Variants in NYNRIN observed in about 807,000 individuals in gnomAD.
The protein encoded by NYNRIN is NYN domain and retroviral integrase containing.
A neutral mutation model predicts 146.6 loss-of-function variants in NYNRIN; 86 were observed. That is an observed-to-expected ratio of 0.59 (90% CI 0.49 to 0.70). The LOEUF (loss-of-function observed/expected upper bound fraction) is 0.70. Ranked by LOEUF, NYNRIN falls within the 30% of genes least tolerant of loss-of-function variation. The pLI is 0.00. For missense variants in NYNRIN, 2,191 were observed against 2,377.7 expected (o/e 0.92, Z 1.63); for synonymous variants, 1,027 against 1,001.3 (o/e 1.03, Z -0.48).
chr14:24,406,526 T>C (rs755848317), intron 2 of NYNRIN, among the ~76,000 whole-genome samples: 3 of 152,146 alleles, frequency 2.0e-5, no homozygotes, highest in Non-Finnish European at 4.4e-5. Context: ...TTTGAACTGA[T>C]TGAAAAGGGG....
rs1026896842 is a variant in NYNRIN, at chr14:24,408,378, C to T, written c.708C>T (p.Ser236=). Residue 236 remains serine (S), a synonymous_variant, in exon 3 of 9, where the codon TCC becomes TCT. Coordinates refer to ENST00000382554, the MANE Select transcript of NYNRIN (RefSeq NM_025081.3). Reference sequence around the variant, plus strand: ...AGAAGGAAGCCCCAGCCATGGTGTCCGTGGGAGAGAGTCCTGGACCCTTTG... The same window carrying T: ...AGAAGGAAGCCCCAGCCATGGTGTCTGTGGGAGAGAGTCCTGGACCCTTTG... ...QQQKEAPAMV[S]VGESPGPFVD... is the part of the protein sequence containing the mutation. 22 of 1,613,762 alleles carry T rather than the reference C, an allele frequency of 1.4e-5. No homozygotes were observed. Among genetic ancestry groups the T allele is most frequent in the East Asian group, 8.9e-5 (4 of 44,890 alleles).
rs1242576497 is a variant in NYNRIN, at chr14:24,418,273, G to T, written c.*827G>T. 1.5e-5 allele frequency: 7 copies of T among 456,456 alleles called. No individual in the cohort carries two copies. The highest frequency in any genetic ancestry group is 2.6e-5 in the Non-Finnish European group (6 of 226,894). The allele number at this position is 456,456 out of a possible 1,614,324, so 28.3% of individuals were successfully genotyped here. On this transcript the variant is annotated 3_prime_UTR_variant, in exon 9 of 9. Coordinates refer to ENST00000382554, the MANE Select transcript of NYNRIN (RefSeq NM_025081.3). ...CATCTCTATCTGAAGAGCTGCTTCT[G>T]TTAGACCCAGGGGCCCCGGCCTCTG...
chr14:24,402,407 C>T (rs1228105500), intron 2 of NYNRIN, among the ~76,000 whole-genome samples: 2 of 151,992 alleles, frequency 1.3e-5, no homozygotes, highest in African/African-American at 4.8e-5. Flanking sequence ...GTGACCACTG[C>T]GGGAGGTGAT....
chr14:24,401,127 C>T (rs931260670), intron 2 of NYNRIN, among the ~76,000 whole-genome samples: 7 of 152,184 alleles, frequency 4.6e-5, no homozygotes, highest in Non-Finnish European at 5.9e-5. Context: ...CCACCCCCTC[C>T]TTGCTCAAAT....
chr14:24,412,077 T>C (rs909898417), intron 6 of NYNRIN, among the ~76,000 whole-genome samples: 1 of 152,162 alleles, frequency 6.6e-6, no homozygotes, highest in Admixed American at 6.5e-5. Context: ...ACAGAGATCT[T>C]GGTTTCACAT....
At position 24,399,315 on chromosome 14, in the gene NYNRIN, GGTGCAGCGGCAGCGGCTGCAA is replaced by G; in HGVS notation, c.78_98del (p.Gln27_Arg33del). The G allele has an allele frequency of 6.2e-7, 1 of 1,613,948 alleles. No homozygotes were observed. The highest frequency in any genetic ancestry group is 8.5e-7 in the Non-Finnish European group (1 of 1,179,860). On this transcript the variant is annotated inframe_deletion, in exon 2 of 9. Coordinates refer to ENST00000382554, the MANE Select transcript of NYNRIN (RefSeq NM_025081.3). ...TGGTGCAGACAAAATCGAAGCCTCG[GGTGCAGCGGCAGCGGCTGCAA>G]GTGCAGCGCATCTTTAGGGTCAAGC... is the stretch of plus-strand genomic sequence containing the variant.
In NYNRIN at chr14:24,415,519, G is replaced by T; in HGVS notation, c.3770G>T (p.Arg1257Leu). 1 of 1,613,852 alleles carries T rather than the reference G, an allele frequency of 6.2e-7. No homozygotes were observed. Among genetic ancestry groups the T allele is most frequent in the Non-Finnish European group, 8.5e-7 (1 of 1,179,836 alleles). Residue 1257 changes from arginine to leucine, a missense_variant, in exon 9 of 9, where the codon CGA (arginine) becomes CTA (leucine). By Grantham distance (102) the Arg-to-Leu change is moderately radical (BLOSUM62 -2). Around this residue, in one of 3 missense-constraint regions of NYNRIN, gnomAD observed 1,291 missense variants for 1,417.0 expected, o/e 0.91. Coordinates refer to ENST00000382554, the MANE Select transcript of NYNRIN (RefSeq NM_025081.3). ...GRRVSKAWLI[R>L]WSLLVQDKGK... ...AGGGTTTCCAAAGCTTGGTTGATCC[G>T]ATGGTCCCTCTTGGTTCAGGACAAA...
intron 2 of NYNRIN, among the ~76,000 whole-genome samples, chr14:24,405,306 C>T (rs17795046): frequency 0.14 from 21,894 of 152,116 alleles, 1,654 homozygotes; most frequent in Non-Finnish European, 0.17. Flanking sequence ...AGTAATAAAG[C>T]ACCTTGACAA....
In NYNRIN at chr14:24,408,946, C is replaced by G; in HGVS notation, c.1152C>G (p.Ser384=). The G allele has an allele frequency of 6.2e-7, 1 of 1,613,968 alleles. No individual in the cohort carries two copies. The change falls in exon 4 of 9, where the codon TCC becomes TCG. Residue 384 remains serine, a synonymous_variant. Coordinates refer to ENST00000382554, the MANE Select transcript of NYNRIN (RefSeq NM_025081.3). ...LHSLHLAWLL[S]QACFNFPFWQ... ...CTCTACATCTGGCCTGGCTCCTGTC[C>G]CAGGCGTGCTTCAATTTCCCCTTCT... is the stretch of plus-strand genomic sequence containing the variant.
chr14:24,403,180 T>C (rs1439937913), intron 2 of NYNRIN, among the ~76,000 whole-genome samples: 3 of 152,228 alleles, frequency 2.0e-5, no homozygotes, highest in African/African-American at 7.2e-5. Context: ...AAGTGTACTA[T>C]GATTTTGTTT....
At chr14:24,412,975 G>A (rs1271301167) in intron 6 of NYNRIN, 22 bp from the exon 7 acceptor site, 6 of 1,538,086 alleles carry the variant, frequency 3.9e-6, no homozygotes, top group South Asian at 1.2e-5. Context: ...TGGGTCATTA[G>A]TGACTTCCCC....
At chr14:24,410,450 G>A (rs750229274) in intron 4 of NYNRIN, among the ~76,000 whole-genome samples, 1 of 152,224 alleles carries the variant, frequency 6.6e-6, no homozygotes, top group African/African-American at 2.4e-5. Flanking sequence ...GCTGAAGCAG[G>A]CTCAGAGGTG....
chr14:24,408,114 G>A lies in NYNRIN; in HGVS notation c.444G>A (p.Leu148=). Residue 148 remains leucine (L), a synonymous_variant, in exon 3 of 9, where the codon CTG becomes CTA. Coordinates refer to ENST00000382554, the MANE Select transcript of NYNRIN (RefSeq NM_025081.3). ...VGRLRWGPAP[L]LTPRGIWEAE... The stretch of plus-strand genomic sequence containing the variant: ...GACTGCGCTGGGGCCCTGCCCCTCT[G>A]CTGACCCCCCGGGGGATCTGGGAGG... The A allele has an allele frequency of 1.2e-6, 2 of 1,611,568 alleles. No homozygotes were observed. Among genetic ancestry groups the A allele is most frequent in the Non-Finnish European group, 1.7e-6 (2 of 1,179,470 alleles).
At position 24,399,417 on chromosome 14, in the gene NYNRIN, G is replaced by C. The variant is rs1010804661; in HGVS notation, c.171G>C (p.Gly57=). ...CCTACTTCTGGCTACAGCTCGAGGG[G>C]CCCCGAGAGAACATGGGCAAAGCCA... ...DTPYFWLQLE[G]PRENMGKAKE... The change falls in exon 2 of 9, where the codon GGG becomes GGC. Residue 57 remains glycine (G), a synonymous_variant. Transcript: ENST00000382554. 1.9e-6 allele frequency: 3 copies of C among 1,613,004 alleles called. No individual in the cohort carries two copies. Among genetic ancestry groups the C allele is most frequent in the South Asian group, 1.1e-5 (1 of 90,934 alleles).
chr14:24,412,950 G>C (rs1405124874), intron 6 of NYNRIN, 47 bp from the exon 7 acceptor site: 2 of 1,261,094 alleles, frequency 1.6e-6, no homozygotes, highest in South Asian at 2.6e-5. Context: ...CCCAGGAAGT[G>C]AGGGGGCTAG....
In NYNRIN at chr14:24,411,509, T is replaced by G; in HGVS notation, c.2642+59T>G. On this transcript the variant is annotated intron_variant, in intron 6 of 8. Transcript: ENST00000382554. This position sits in a 1 kb window ranked among gnomAD's most constrained non-coding sequence, Gnocchi z 4.3. ...CAGGGAGTTGGGCCTGGCTGGTGTGTCAGGTGGAGTCCGGCCTGTCTTCTC... is the reference window on the plus strand; with the variant it reads ...CAGGGAGTTGGGCCTGGCTGGTGTGGCAGGTGGAGTCCGGCCTGTCTTCTC... The G allele has an allele frequency of 1.4e-6, 2 of 1,415,306 alleles. No homozygotes were observed. Among genetic ancestry groups the G allele is most frequent in the Non-Finnish European group, 2.0e-6 (2 of 1,001,562 alleles). The allele number at this position is 1,415,306 out of a possible 1,614,324, so 87.7% of individuals were successfully genotyped here.
chr14:24,409,897 T>A lies in NYNRIN; in HGVS notation c.2103T>A (p.Ser701Arg). 6.2e-7 allele frequency: 1 copy of A among 1,613,566 alleles called. No homozygotes were observed. The highest frequency in any genetic ancestry group is 8.5e-7 in the Non-Finnish European group (1 of 1,179,720). Residue 701 changes from serine to arginine, a missense_variant, in exon 4 of 9, where the codon AGT (serine) becomes AGA (arginine). By Grantham distance (110) the Ser-to-Arg change is moderately radical. Coordinates refer to ENST00000382554, the MANE Select transcript of NYNRIN (RefSeq NM_025081.3). ...GPTLDVARLL[S>R]EVQPTSRASV... is the part of the protein sequence containing the mutation. ...CCTTGGATGTAGCCAGACTTCTGAG[T>A]GAGGTCCAGCCTACATCAAGGGCTA...
In NYNRIN at chr14:24,409,338, T is replaced by C. The variant is rs2042896190; in HGVS notation, c.1544T>C (p.Val515Ala). The C allele has an allele frequency of 1.2e-5, 20 of 1,614,026 alleles. No individual in the cohort carries two copies. Among genetic ancestry groups the C allele is most frequent in the Non-Finnish European group, 1.7e-5 (20 of 1,179,902 alleles). ...FKGLEEGPAP[V>A]LPTGQGKPVA... ...GGACTGGAAGAGGGACCCGCTCCAGTGCTGCCAACAGGGCAAGGGAAGCCC... is the reference window on the plus strand; with the variant it reads ...GGACTGGAAGAGGGACCCGCTCCAGCGCTGCCAACAGGGCAAGGGAAGCCC... The change falls in exon 4 of 9, where the codon GTG (valine) becomes GCG (alanine). Residue 515 changes from valine (V) to alanine (A), a missense_variant. Physicochemically the swap from Val to Ala is moderately conservative, Grantham distance 64 (BLOSUM62 0). Transcript: ENST00000382554.
At chr14:24,412,482 G>A (rs1054890768) in intron 6 of NYNRIN, 1 of 156,792 alleles carries the variant, frequency 6.4e-6, no homozygotes, top group Non-Finnish European at 1.4e-5. Context: ...ATGTCTGTAT[G>A]TCTTGGCATG....
Sources: gnomAD v4.1 joint callset for allele counts (sites outside exome capture counted in the v4.1 genomes callset) on GRCh38, gnomAD v4.1.1 for gene constraint, gnomAD v4.1.1 regional missense constraint, Gnocchi (gnomAD v3.1) non-coding constraint, MANE v1.5 for transcripts, NCBI Gene and HGNC (gene_info 2026-07-23, HGNC 2026-07-21) for gene names.